Variants in ZNF341 observed in about 807,000 individuals in gnomAD.
ZNF341 encodes zinc finger protein 341.
ZNF341 carries 52 observed loss-of-function variants against 87.7 expected under a neutral mutation model. The ratio of observed to expected loss-of-function variants is 0.59; its 90% confidence interval spans 0.47 to 0.75. The LOEUF (loss-of-function observed/expected upper bound fraction) is 0.75, where lower values mean the gene tolerates loss of function less well. Ranked by LOEUF, ZNF341 falls within the 30% of genes least tolerant of loss-of-function variation. ZNF341 has a pLI of 0.00. For missense variants in ZNF341, 977 were observed against 1,145.9 expected, an observed-to-expected ratio of 0.85 and a Z score of 2.13; for synonymous variants, 459 against 472.7, an observed-to-expected ratio of 0.97 and a Z score of 0.38.
intron 7 of ZNF341, among the ~76,000 whole-genome samples, chr20:33,759,685 T>G (rs1365506357): frequency 6.6e-6 from 1 of 152,088 alleles, no homozygotes; most frequent in Admixed American, 6.6e-5. Context: ...TAGGAAGTCA[T>G]AGAGAAAACC....
intron 4 of ZNF341, 30 bp from the exon 5 acceptor site, chr20:33,753,142 G>A (rs1418012252): frequency 6.2e-7 from 1 of 1,611,456 alleles, no homozygotes; most frequent in Non-Finnish European, 8.5e-7. Context: ...GTATCAAGAG[G>A]CTATAACACT....
Position 33,791,085 on chromosome 20 carries a change from C to T in ZNF341, c.2133C>T (p.Phe711=). The change falls in exon 15 of 15, where the codon TTC becomes TTT. Residue 711 remains phenylalanine (F), a synonymous_variant. Transcript: ENST00000375200. ...HQRAHTGNYK[F]RCAGCAKGFS... is the part of the protein sequence containing the mutation. The stretch of plus-strand genomic sequence containing the variant: ...GCGCCCACACGGGCAACTACAAGTT[C>T]CGCTGTGCTGGCTGCGCCAAGGGCT... 2 of 1,613,274 alleles carry T rather than the reference C, an allele frequency of 1.2e-6. No individual in the cohort carries two copies. Among genetic ancestry groups the T allele is most frequent in the Non-Finnish European group, 1.7e-6 (2 of 1,180,018 alleles).
intron 1 of ZNF341, among the ~76,000 whole-genome samples, chr20:33,733,907 A>G (rs2018629755): frequency 6.6e-6 from 1 of 152,248 alleles, no homozygotes; most frequent in South Asian, 2.1e-4. Flanking sequence ...TCCTACTGTG[A>G]ATAACATAAG....
chr20:33,764,656 T>G (rs1188846796), intron 8 of ZNF341, among the ~76,000 whole-genome samples: 1 of 136,730 alleles, frequency 7.3e-6, no homozygotes, highest in African/African-American at 2.7e-5. Flanking sequence ...CAATGCAACC[T>G]CCACCTCCTG....
chr20:33,763,981 C>G (rs2019345609), intron 8 of ZNF341, among the ~76,000 whole-genome samples: 1 of 146,780 alleles, frequency 6.8e-6, no homozygotes, highest in Non-Finnish European at 1.5e-5. Context: ...CTCAGGAGTT[C>G]AAGATCAGCC....
rs745696771 is a variant in ZNF341, at chr20:33,748,979, G to T, written c.396G>T (p.Gly132=). 2 of 1,614,180 alleles carry T rather than the reference G, an allele frequency of 1.2e-6. No individual in the cohort carries two copies. The highest frequency in any genetic ancestry group is 3.3e-5 in the Admixed American group (2 of 60,016). The part of the protein sequence containing the change: ...PSPLIQTLVQ[G]NILVSDDVLM... ...CACTGATCCAGACCCTGGTGCAGGG[G>T]AACATCTTGGTGAGCGATGATGTGC... The change falls in exon 4 of 15, where the codon GGG becomes GGT. Residue 132 remains glycine (G), a synonymous_variant. Coordinates refer to ENST00000375200, the MANE Select transcript of ZNF341 (RefSeq NM_001282933.2).
chr20:33,777,220 G>A (rs1376462563), intron 10 of ZNF341, among the ~76,000 whole-genome samples: 1 of 149,580 alleles, frequency 6.7e-6, no homozygotes, highest in Non-Finnish European at 1.5e-5. Context: ...CTGCTCAGGA[G>A]GCTGAGGCAG....
At chr20:33,753,954 C>T (rs931580010) in intron 5 of ZNF341, among the ~76,000 whole-genome samples, 1 of 152,148 alleles carries the variant, frequency 6.6e-6, no homozygotes, top group African/African-American at 2.4e-5. Context: ...GTCAGCTGCT[C>T]TAGGATGGCC....
At chr20:33,745,930 T>TTC (rs2018909487) in intron 3 of ZNF341, among the ~76,000 whole-genome samples, 1 of 134,224 alleles carries the variant, frequency 7.5e-6, no homozygotes, top group Non-Finnish European at 1.6e-5. Flanking sequence ...GGTCTGGGCC[T>TTC]TTTTTTTTTT....
chr20:33,745,326 T>C, intron 3 of ZNF341, 27 bp downstream of exon 3: 3 of 1,600,032 alleles, frequency 1.9e-6, no homozygotes, highest in Non-Finnish European at 2.6e-6. Context: ...TCATTCAACA[T>C]GTCTTTTTTG....
intron 1 of ZNF341, among the ~76,000 whole-genome samples, chr20:33,734,727 C>T (rs2018643880): frequency 6.6e-6 from 1 of 151,766 alleles, no homozygotes; most frequent in African/African-American, 2.4e-5. Context: ...GTTTTTGAGA[C>T]AGCATCTCAC....
At chr20:33,787,602 C>T (rs1444539901) in intron 12 of ZNF341, 1 of 152,190 alleles carries the variant, frequency 6.6e-6, no homozygotes, top group Non-Finnish European at 1.5e-5. Flanking sequence ...CTGTGGGTTC[C>T]TCAGGTAGCC....
At chr20:33,780,635 C>G (rs548575577) in intron 10 of ZNF341, among the ~76,000 whole-genome samples, 5 of 152,010 alleles carry the variant, frequency 3.3e-5, no homozygotes, top group Admixed American at 3.3e-4. Context: ...GTCTCAAACT[C>G]CTGACCTCAG....
intron 12 of ZNF341, among the ~76,000 whole-genome samples, chr20:33,786,309 A>G (rs984398320): frequency 2.0e-5 from 3 of 152,120 alleles, no homozygotes; most frequent in Non-Finnish European, 4.4e-5. Flanking sequence ...CAGCCTATGT[A>G]TGAACCGTTA....
At chr20:33,746,761 A>T (rs1213827029) in intron 3 of ZNF341, among the ~76,000 whole-genome samples, 5 of 152,124 alleles carry the variant, frequency 3.3e-5, no homozygotes, top group Non-Finnish European at 7.4e-5. Flanking sequence ...AAAGTGTGAG[A>T]TTTTAGAAAT....
At chr20:33,789,234 A>C (rs1003489121) in intron 13 of ZNF341, among the ~76,000 whole-genome samples, 3 of 151,804 alleles carry the variant, frequency 2.0e-5, no homozygotes, top group Admixed American at 6.6e-5. Flanking sequence ...GTAGAGATGG[A>C]GTTTCGCCAT....
At chr20:33,755,172 T>C (rs780552814) in intron 5 of ZNF341, among the ~76,000 whole-genome samples, 9 of 152,196 alleles carry the variant, frequency 5.9e-5, no homozygotes, top group African/African-American at 7.2e-5. Flanking sequence ...CTCGAACTCC[T>C]GGCCTCAGGT....
chr20:33,739,724 C>G (rs1228267328), intron 1 of ZNF341, among the ~76,000 whole-genome samples: 1 of 152,216 alleles, frequency 6.6e-6, no homozygotes, highest in African/African-American at 2.4e-5. Context: ...GGATTAGCGT[C>G]AGCCATGAGT....
chr20:33,732,170 G>A lies in ZNF341; in HGVS notation c.31+118G>A. On this transcript the variant is annotated intron_variant, in intron 1 of 14. Transcript: ENST00000375200. This position sits in a 1 kb window ranked among gnomAD's most constrained non-coding sequence, Gnocchi z 4.5. ...CCGCGGGGCGGAGGGCGCCGGGGCTGGAACAGCCGCGGGGCGGGAGGGGCG... is the reference window on the plus strand; with the variant it reads ...CCGCGGGGCGGAGGGCGCCGGGGCTAGAACAGCCGCGGGGCGGGAGGGGCG... The A allele has an allele frequency of 1.2e-6, 1 of 839,346 alleles. No homozygotes were observed. Among genetic ancestry groups the A allele is most frequent in the Non-Finnish European group, 1.4e-6 (1 of 697,102 alleles). 52.0% of individuals were successfully genotyped at this position (839,346 alleles called of 1,614,324 possible).
Sources: gnomAD v4.1 joint callset for allele counts (sites outside exome capture counted in the v4.1 genomes callset) on GRCh38, gnomAD v4.1.1 for gene constraint, Gnocchi (gnomAD v3.1) non-coding constraint, MANE v1.5 for transcripts, NCBI Gene and HGNC (gene_info 2026-07-23, HGNC 2026-07-21) for gene names.